The following DST variants were observed in gnomAD, a reference collection of about 807,000 sequenced individuals.
DST encodes the protein dystonin, also known as bullous pemphigoid antigen.
DST carries 253 observed loss-of-function variants against 875.2 expected under a neutral mutation model. The ratio of observed to expected loss-of-function variants is 0.29; its 90% CI spans 0.26 to 0.32. The LOEUF is 0.32. DST is among the 10% of genes least tolerant of loss of function. The pLI is 1.00. For missense variants in DST, 8,287 were observed against 9,111.6 expected, an observed-to-expected ratio of 0.91 and a Z score of 3.68; for synonymous variants, 3,124 against 3,197.1, an observed-to-expected ratio of 0.98 and a Z score of 0.77.
At chr6:56,684,184 T>C (rs1170923514) in intron 9 of DST, among the ~76,000 whole-genome samples, 5 of 152,226 alleles carry the variant, frequency 3.3e-5, no homozygotes. Context: ...GGTTATGGCA[T>C]GCACTGAGTA....
chr6:56,661,906 A>G (rs888466398), intron 10 of DST, among the ~76,000 whole-genome samples: 2 of 152,044 alleles, frequency 1.3e-5, no homozygotes, highest in African/African-American at 4.8e-5. Context: ...AACTTTTTAA[A>G]TGATCACATC....
intron 15 of DST, among the ~76,000 whole-genome samples, 181 bp downstream of exon 15, chr6:56,645,685 C>A (rs2098938185): frequency 6.6e-6 from 1 of 152,150 alleles, no homozygotes; most frequent in Non-Finnish European, 1.5e-5. Flanking sequence ...ATATACATTA[C>A]TTCACTGATT....
chr6:56,855,629 G>A (rs1409677360), intron 3 of DST, among the ~76,000 whole-genome samples: 2 of 152,136 alleles, frequency 1.3e-5, no homozygotes, highest in African/African-American at 4.8e-5. Context: ...GATTATTGTA[G>A]ACCTTACAAA....
At position 56,714,981 on chromosome 6, in the gene DST, TAAG is replaced by T; in HGVS notation, c.688-10615_688-10613del. On this transcript the variant is annotated intron_variant, in intron 5 of 103. Coordinates refer to ENST00000680361, the MANE Select transcript of DST (RefSeq NM_001374736.1). The surrounding 1 kb of genome is among the most constrained non-coding windows in gnomAD (Gnocchi z 4.5). ...TACATAAATGTATTAATAATTTCCT[TAAG>T]AAGAAAGGGCCCTGTCTTTGGTCCT... Among the ~76,000 whole-genome samples the T allele has an allele frequency of 6.6e-6, 1 of 152,286 alleles. No homozygotes were observed. The highest frequency in any genetic ancestry group is 2.1e-4 in the South Asian group (1 of 4,820).
At chr6:56,598,734 T>C (rs2098415598) in intron 45 of DST, 25 bp from the exon 46 acceptor site, 5 of 1,400,668 alleles carry the variant, frequency 3.6e-6, no homozygotes, top group Admixed American at 2.2e-5. Context: ...GGAAAAAATA[T>C]ATTTTATTAA....
At chr6:56,871,900 T>C (rs1489941805) in intron 3 of DST, among the ~76,000 whole-genome samples, 1 of 151,534 alleles carries the variant, frequency 6.6e-6, no homozygotes, top group East Asian at 1.9e-4. Flanking sequence ...AAAAATTAAG[T>C]CTAATATTAC....
intron 49 of DST, among the ~76,000 whole-genome samples, chr6:56,581,186 G>T (rs1281469546): frequency 6.6e-6 from 1 of 151,890 alleles, no homozygotes; most frequent in African/African-American, 2.4e-5. Flanking sequence ...ATGGAAGAGA[G>T]TTGGAACCCA....
chr6:56,645,101 A>G (rs2152787202), intron 15 of DST, among the ~76,000 whole-genome samples: 1 of 152,116 alleles, frequency 6.6e-6, no homozygotes, highest in Middle Eastern at 3.4e-3. Flanking sequence ...AGTCAATTAA[A>G]CCTCTTTCCT....
Position 56,603,630 on chromosome 6 carries a change from G to C in DST, c.10875C>G (p.Pro3625=). The C allele has an allele frequency of 6.2e-7, 1 of 1,611,174 alleles. No homozygotes were observed. The highest frequency in any genetic ancestry group is 1.3e-5 in the African/African-American group (1 of 74,918). ...TATCCAGAGATTCCTGGTTGTCTAAGGGGGGTTTCATATCTTGAAGCAATG... is the reference window on the plus strand; with the variant it reads ...TATCCAGAGATTCCTGGTTGTCTAACGGGGGTTTCATATCTTGAAGCAATG... The part of the protein sequence containing the change: ...YLTLLQDMKP[P]LDNQESLDNN... The change falls in exon 41 of 104, where the codon CCC becomes CCG. Residue 3625 remains proline, a synonymous_variant. Coordinates refer to ENST00000680361, the MANE Select transcript of DST (RefSeq NM_001374736.1).
intron 92 of DST, among the ~76,000 whole-genome samples, chr6:56,475,855 T>G (rs1019204561): frequency 2.0e-5 from 3 of 150,984 alleles, no homozygotes; most frequent in Non-Finnish European, 4.4e-5. Context: ...ACCTAAGGAG[T>G]AAGGAGAGCT....
Position 56,605,116 on chromosome 6 carries a change from G to A in DST, c.9512C>T (p.Thr3171Ile). 1 of 1,612,684 alleles carries A rather than the reference G, an allele frequency of 6.2e-7. No homozygotes were observed. Among genetic ancestry groups the A allele is most frequent in the East Asian group, 2.2e-5 (1 of 44,824 alleles). ...ATCAAGCTCTTTCTCAGGTCCATCA[G>A]TGAATGACTCCTCAAAATGTGTATT... ...EGNTHFEESF[T>I]DGPEKELDLF... The change falls in exon 40 of 104, where the codon ACT becomes ATT. Residue 3171 changes from threonine to isoleucine, a missense_variant. Thr to Ile is a moderately conservative substitution (Grantham distance 89). Coordinates refer to ENST00000680361, the MANE Select transcript of DST (RefSeq NM_001374736.1).
At chr6:56,921,606 A>T (rs997681019) in intron 2 of DST, among the ~76,000 whole-genome samples, 7 of 152,226 alleles carry the variant, frequency 4.6e-5, no homozygotes, top group African/African-American at 1.4e-4. Flanking sequence ...AAGATTTTTT[A>T]AAATAATGAA....
At chr6:56,518,237 T>C (rs1049128180) in intron 69 of DST, among the ~76,000 whole-genome samples, 1 of 152,158 alleles carries the variant, frequency 6.6e-6, no homozygotes, top group Admixed American at 6.6e-5. Context: ...ATTTTCCTGA[T>C]CATAACAGTA....
At chr6:56,761,062 T>C (rs1199674833) in intron 4 of DST, among the ~76,000 whole-genome samples, 1 of 152,224 alleles carries the variant, frequency 6.6e-6, no homozygotes, top group South Asian at 2.1e-4. Flanking sequence ...CTTTCTTGAT[T>C]TCTACATCAC....
chr6:56,619,546 T>C (rs1157612223), intron 36 of DST: 2 of 1,613,546 alleles, frequency 1.2e-6, no homozygotes, highest in African/African-American at 2.7e-5. Context: ...TCTTCTCAGC[T>C]ACAGCATGTG....
chr6:56,576,351 C>T (rs4715635), intron 50 of DST, among the ~76,000 whole-genome samples: 43,143 of 151,976 alleles, frequency 0.28, 7,541 homozygotes, highest in Admixed American at 0.39. Flanking sequence ...ATTAATTGAA[C>T]GTGAGAAGGG....
intron 4 of DST, among the ~76,000 whole-genome samples, chr6:56,758,264 G>A (rs2099609011): frequency 6.6e-6 from 1 of 152,204 alleles, no homozygotes; most frequent in South Asian, 2.1e-4. Context: ...GAGAACAGAA[G>A]TGACTGTGCT....
chr6:56,463,520 C>T (rs747747794), intron 101 of DST, 45 bp downstream of exon 101: 3 of 1,483,758 alleles, frequency 2.0e-6, no homozygotes, highest in Non-Finnish European at 2.7e-6. Flanking sequence ...CTACTTGGGA[C>T]ATTGATTGCA....
chr6:56,661,880 G>A (rs762926385), intron 10 of DST, among the ~76,000 whole-genome samples: 8 of 152,100 alleles, frequency 5.3e-5, no homozygotes, highest in Non-Finnish European at 1.2e-4. Context: ...GAGTCACCGC[G>A]CCCGGCCGAC....
Sources: allele counts gnomAD v4.1 joint callset (sites outside exome capture counted in the v4.1 genomes callset), GRCh38; gene constraint gnomAD v4.1.1; non-coding constraint Gnocchi (gnomAD v3.1); transcripts MANE v1.5; gene names NCBI Gene and HGNC (gene_info 2026-07-23, HGNC 2026-07-21).